GPR176: variants seen among roughly 807,000 people sequenced by gnomAD.
GPR176 encodes the protein G protein-coupled receptor 176.
In GPR176, 26 loss-of-function variants were observed where a neutral mutation model predicts 35.4. The ratio of observed to expected loss-of-function variants is 0.74; its 90% confidence interval spans 0.54 to 1.02. The LOEUF is 1.02. Among genes scored for constraint, GPR176 ranks in the 50% least tolerant of loss-of-function variants. The pLI is 0.00. For synonymous variants in GPR176, 278 were observed against 271.3 expected (o/e 1.02, Z -0.24); for missense variants, 597 against 665.3 (o/e 0.90, Z 1.13).
intron 1 of GPR176, among the ~76,000 whole-genome samples, chr15:39,854,253 C>G (rs762956218): frequency 6.6e-6 from 1 of 152,054 alleles, no homozygotes; most frequent in Non-Finnish European, 1.5e-5. Context: ...TAAACTCTAG[C>G]CCAAAAGAAA....
chr15:39,882,273 T>A (rs1367513030), intron 1 of GPR176, among the ~76,000 whole-genome samples: 1 of 152,216 alleles, frequency 6.6e-6, no homozygotes, highest in Non-Finnish European at 1.5e-5. Flanking sequence ...TTGGCAAAAT[T>A]ATTAATGGCT....
At chr15:39,914,598 C>A (rs879091246) in intron 1 of GPR176, among the ~76,000 whole-genome samples, 2 of 152,158 alleles carry the variant, frequency 1.3e-5, no homozygotes, top group Admixed American at 1.3e-4. Context: ...GCATGAGCCA[C>A]CACACCTGGC....
Position 39,920,034 on chromosome 15 carries a change from C to T in GPR176, c.-8G>A, listed in dbSNP as rs2033836925. On this transcript the variant is annotated 5_prime_UTR_variant, in exon 1 of 3. Coordinates refer to ENST00000561100, the MANE Select transcript of GPR176 (RefSeq NM_007223.3). ...GCTCCCGTTATGTCCCATGGCGAGG[C>T]TGGGACTCCGGCTCCGCGCGCCGCC... 4.6e-6 allele frequency: 6 copies of T among 1,316,658 alleles called. No homozygotes were observed. In the African/African-American group the frequency reaches 9.3e-5, roughly 20 times the overall value. 81.6% of individuals were successfully genotyped at this position (1,316,658 alleles called of 1,614,324 possible). A position where few individuals can be genotyped will look rare whatever the true frequency, so the allele number is the denominator to read the frequency against.
At chr15:39,884,468 C>T (rs543992297) in intron 1 of GPR176, among the ~76,000 whole-genome samples, 1 of 152,248 alleles carries the variant, frequency 6.6e-6, no homozygotes, top group Admixed American at 6.5e-5. Flanking sequence ...ATCAGAAATC[C>T]AACTACAATG....
chr15:39,839,758 C>T lies in GPR176; in HGVS notation c.173-32500G>A, dbSNP rs141087425. ...ACAAAGGGCTAATATCCAGAATCTACAAAGAACTCAAACAAATTTACAAGA... is the reference window on the plus strand; with the variant it reads ...ACAAAGGGCTAATATCCAGAATCTATAAAGAACTCAAACAAATTTACAAGA... On this transcript the variant is annotated intron_variant, in intron 1 of 2. Transcript: ENST00000561100. Among the ~76,000 whole-genome samples the T allele has an allele frequency of 4.5e-4, 68 of 152,180 alleles. 2 individuals are homozygous for T. The highest frequency in any genetic ancestry group is 2.6e-3 in the Admixed American group (40 of 15,270).
At position 39,801,659 on chromosome 15, in the gene GPR176, GGTGGTGTA is replaced by G; in HGVS notation, c.1013_1020del (p.Leu338ProfsTer6). On this transcript the variant is annotated frameshift_variant, in exon 3 of 3. Coordinates refer to ENST00000561100, the MANE Select transcript of GPR176 (RefSeq NM_007223.3). LOFTEE classifies it high-confidence loss of function. The stretch of plus-strand genomic sequence containing the variant: ...CTGACCACATTACGGCGACTGTACC[GGTGGTGTA>G]GTTGCACCAGGGTCCCTATCAAGCA... The G allele has an allele frequency of 6.2e-7, 1 of 1,613,634 alleles. No homozygotes were observed. The highest frequency in any genetic ancestry group is 8.5e-7 in the Non-Finnish European group (1 of 1,179,576).
At chr15:39,858,695 AGAGT>A (rs2140822234) in intron 1 of GPR176, among the ~76,000 whole-genome samples, 1 of 152,346 alleles carries the variant, frequency 6.6e-6, no homozygotes, top group African/African-American at 2.4e-5. Flanking sequence ...CTCAGGTGAC[AGAGT>A]GAGAAAAAAA....
intron 1 of GPR176, among the ~76,000 whole-genome samples, chr15:39,825,837 G>A (rs1157391365): frequency 1.3e-5 from 2 of 152,166 alleles, no homozygotes; most frequent in African/African-American, 4.8e-5. Flanking sequence ...GTAGTCCTGT[G>A]CCCAGTACCC....
At chr15:39,906,788 T>C (rs2033434314) in intron 1 of GPR176, among the ~76,000 whole-genome samples, 1 of 152,226 alleles carries the variant, frequency 6.6e-6, no homozygotes, top group East Asian at 1.9e-4. Flanking sequence ...CTAAGTCTCA[T>C]GCAAATCAAA....
chr15:39,865,548 A>G (rs2031793092), intron 1 of GPR176, among the ~76,000 whole-genome samples: 1 of 152,150 alleles, frequency 6.6e-6, no homozygotes, highest in African/African-American at 2.4e-5. Flanking sequence ...GGAGACCCAG[A>G]AGGGTGAGGA....
chr15:39,833,379 C>T lies in GPR176; in HGVS notation c.173-26121G>A, dbSNP rs1296318168. Among the ~76,000 whole-genome samples, 5 of 152,174 alleles carry T rather than the reference C, an allele frequency of 3.3e-5. No homozygotes were observed. The South Asian group carries it at 8.3e-4, about 25-fold the overall frequency. ...ATGGATGAACCTCAAAAACATCATG[C>T]TAAATAAAGAAGTCAGTAACAAAAG... is the stretch of plus-strand genomic sequence containing the variant. On this transcript the variant is annotated intron_variant, in intron 1 of 2. Transcript: ENST00000561100.
Position 39,847,742 on chromosome 15 carries a change from C to CAAAA in GPR176, c.173-40488_173-40485dup, listed in dbSNP as rs34896644. 9.5e-3 allele frequency among the ~76,000 whole-genome samples: 617 copies of CAAAA among 65,086 alleles called. 1 individual carries two copies. Among genetic ancestry groups the CAAAA allele is most frequent in the East Asian group, 0.013 (28 of 2,168 alleles). 42.7% of individuals were successfully genotyped at this position (65,086 alleles called of 152,430 possible). A position where few individuals can be genotyped will look rare whatever the true frequency, so the allele number is the denominator to read the frequency against. On this transcript the variant is annotated intron_variant, in intron 1 of 2. Coordinates refer to ENST00000561100, the MANE Select transcript of GPR176 (RefSeq NM_007223.3). ...TGGGTGACAAAGCGAGACTCTGTCT[C>CAAAA]AAAAAAAAAAAAAAAAAAAAAAGAA...
At chr15:39,883,004 A>G (rs1353338562) in intron 1 of GPR176, among the ~76,000 whole-genome samples, 1 of 152,242 alleles carries the variant, frequency 6.6e-6, no homozygotes, top group Non-Finnish European at 1.5e-5. Flanking sequence ...TTTATGTTGA[A>G]CACTGAGAGT....
At chr15:39,808,122 T>C (rs1298544932) in intron 1 of GPR176, among the ~76,000 whole-genome samples, 1 of 152,162 alleles carries the variant, frequency 6.6e-6, no homozygotes, top group African/African-American at 2.4e-5. Flanking sequence ...CCTCTCTCAA[T>C]AGCCTCTCCC....
At chr15:39,884,380 A>C (rs1019424064) in intron 1 of GPR176, among the ~76,000 whole-genome samples, 7 of 151,474 alleles carry the variant, frequency 4.6e-5, no homozygotes, top group Non-Finnish European at 8.8e-5. Flanking sequence ...CTGTCCATTG[A>C]ATTATACTAT....
intron 1 of GPR176, among the ~76,000 whole-genome samples, chr15:39,906,567 T>C (rs1435206574): frequency 6.6e-6 from 1 of 152,238 alleles, no homozygotes; most frequent in Non-Finnish European, 1.5e-5. Context: ...CACATTATGC[T>C]GCCTGGTTTA....
intron 2 of GPR176, among the ~76,000 whole-genome samples, chr15:39,805,677 T>C (rs1735475700): frequency 1.3e-5 from 2 of 152,192 alleles, no homozygotes; most frequent in Admixed American, 1.3e-4. Flanking sequence ...TCTAAGGAGC[T>C]GGAGCTGCTC....
At chr15:39,907,316 C>T (rs751515491) in intron 1 of GPR176, among the ~76,000 whole-genome samples, 3 of 152,218 alleles carry the variant, frequency 2.0e-5, no homozygotes, top group Non-Finnish European at 4.4e-5. Flanking sequence ...ACAATGCCCA[C>T]GTGATCTAGC....
chr15:39,805,198 T>C (rs1282749971), intron 2 of GPR176, among the ~76,000 whole-genome samples: 1 of 152,128 alleles, frequency 6.6e-6, no homozygotes, highest in African/African-American at 2.4e-5. Flanking sequence ...TGGTTCGACA[T>C]AAAATGCATT....
Sources: allele counts gnomAD v4.1 joint callset (sites outside exome capture counted in the v4.1 genomes callset), GRCh38; gene constraint gnomAD v4.1.1; transcripts MANE v1.5; gene names NCBI Gene and HGNC (gene_info 2026-07-23, HGNC 2026-07-21).